Variants in NFIB observed in about 807,000 individuals in gnomAD.
NFIB encodes the protein nuclear factor 1 B-type.
Under a neutral mutation model 61.5 loss-of-function variants are expected in NFIB, and 11 were observed. That is an observed-to-expected ratio of 0.18 (90% CI 0.11 to 0.30). The LOEUF (loss-of-function observed/expected upper bound fraction) is 0.30, where lower values mean the gene tolerates loss of function less well. Among genes scored for constraint, NFIB ranks in the 10% least tolerant of loss-of-function variants. The pLI, the probability that NFIB is intolerant of heterozygous loss-of-function variation, is 1.00. For missense variants in NFIB, 471 were observed against 608.9 expected, an observed-to-expected ratio of 0.77 and a Z score of 2.38; for synonymous variants, 260 against 216.5, an observed-to-expected ratio of 1.20 and a Z score of -1.76.
At position 14,246,292 on chromosome 9, in the gene NFIB, C is replaced by T. The variant is rs142492646; in HGVS notation, c.562+60697G>A. 2.0e-5 allele frequency among the ~76,000 whole-genome samples: 3 copies of T among 152,226 alleles called. No individual in the cohort carries two copies. The South Asian group carries it at 6.2e-4, about 32-fold the overall frequency. Reference sequence around the variant, plus strand: ...GGCAAGGCACTGGTATTCTAAACTCCGACCCATTAGATGGGAGGAAGCTCC... The same window carrying T: ...GGCAAGGCACTGGTATTCTAAACTCTGACCCATTAGATGGGAGGAAGCTCC... On this transcript the variant is annotated intron_variant, in intron 2 of 10. Coordinates refer to ENST00000380953, the MANE Select transcript of NFIB (RefSeq NM_001190737.2).
chr9:14,413,231 C>T, the NFIB span, among the ~76,000 whole-genome samples: 2 of 152,194 alleles, frequency 1.3e-5, no homozygotes, highest in East Asian at 1.9e-4. Context: ...CAGCTGGAGC[C>T]TTCCCAGTGA....
At chr9:14,435,498 A>G in the NFIB span, among the ~76,000 whole-genome samples, 3 of 152,240 alleles carry the variant, frequency 2.0e-5, no homozygotes. Flanking sequence ...AAGTGGAGAT[A>G]AAAATAGCAA....
chr9:14,352,856 G>C (rs1292218847), intron 1 of NFIB, among the ~76,000 whole-genome samples: 1 of 152,234 alleles, frequency 6.6e-6, no homozygotes, highest in Non-Finnish European at 1.5e-5. Context: ...AGTTTCAGGA[G>C]TCTTTGTGAA....
the NFIB span, among the ~76,000 whole-genome samples, chr9:14,484,932 GGT>G: frequency 1.3e-5 from 2 of 152,072 alleles, no homozygotes; most frequent in African/African-American, 4.8e-5. Context: ...AGCTTGGTCA[GGT>G]TCTGGTGAGG....
chr9:14,390,849 A>G (rs2061611104), intron 1 of NFIB, among the ~76,000 whole-genome samples: 1 of 152,184 alleles, frequency 6.6e-6, no homozygotes, highest in Non-Finnish European at 1.5e-5. Flanking sequence ...TCTAAGAAAT[A>G]GATTTCTGTT....
chr9:14,090,056 A>G (rs1446764405), intron 10 of NFIB, among the ~76,000 whole-genome samples: 1 of 152,138 alleles, frequency 6.6e-6, no homozygotes. Context: ...CAAATCAATT[A>G]ATTGTTTCAA....
chr9:14,161,133 C>G (rs1222451691), intron 3 of NFIB, among the ~76,000 whole-genome samples: 1 of 152,158 alleles, frequency 6.6e-6, no homozygotes, highest in Non-Finnish European at 1.5e-5. Context: ...CCACAACTAA[C>G]CCATTGGTAA....
rs71321975 is a variant in NFIB, at chr9:14,274,251, T to TACACACACACACACACACACACACAC, written c.562+32712_562+32737dup. 1.4e-4 allele frequency among the ~76,000 whole-genome samples: 17 copies of TACACACACACACACACACACACACAC among 124,022 alleles called. 1 individual carries two copies. Among genetic ancestry groups the TACACACACACACACACACACACACAC allele is most frequent in the East Asian group, 5.1e-4 (2 of 3,890 alleles). The allele number at this position is 124,022 out of a possible 152,430, so 81.4% of individuals were successfully genotyped here. A position where few individuals can be genotyped will look rare whatever the true frequency, so the allele number is the denominator to read the frequency against. On this transcript the variant is annotated intron_variant, in intron 2 of 10. Coordinates refer to ENST00000380953, the MANE Select transcript of NFIB (RefSeq NM_001190737.2). ...TTCTCTCTCTAGCATTCTTCCTCCCTACACACACACACACACACACACACA... is the reference window on the plus strand; with the variant it reads ...TTCTCTCTCTAGCATTCTTCCTCCCTACACACACACACACACACACACACACACACACACACACACACACACACACA...
At chr9:14,396,873 T>C (rs921478495) in intron 1 of NFIB, among the ~76,000 whole-genome samples, 1 of 152,146 alleles carries the variant, frequency 6.6e-6, no homozygotes, top group African/African-American at 2.4e-5. Context: ...GAGCCATTAA[T>C]GGAATTGAAA....
the NFIB span, among the ~76,000 whole-genome samples, chr9:14,459,865 A>G: frequency 6.6e-6 from 1 of 151,110 alleles, no homozygotes. Flanking sequence ...AAGTCAGGAA[A>G]CAACAGGTGC....
rs78455225 is a variant in NFIB at position 14,269,868 on chromosome 9, A to G, written c.562+37121T>C. Among the ~76,000 whole-genome samples, 614 of 152,310 alleles carry G rather than the reference A, an allele frequency of 4.0e-3. 3 individuals carry two copies. The highest frequency in any genetic ancestry group is 0.014 in the African/African-American group (588 of 41,580). On this transcript the variant is annotated intron_variant, in intron 2 of 10. Transcript: ENST00000380953. ...AAGCAAATTTGCTTTCTCAGAACTC[A>G]TAATTTTTACTTTACTCCTCTGAAA...
chr9:14,287,356 G>A (rs921210156), intron 2 of NFIB, among the ~76,000 whole-genome samples: 10 of 36,230 alleles, frequency 2.8e-4, no homozygotes, highest in East Asian at 1.6e-3. Context: ...GTGTGAACCC[G>A]GGAGGCGGCT....
chr9:14,332,520 A>G (rs2132852343), intron 1 of NFIB, among the ~76,000 whole-genome samples: 1 of 152,208 alleles, frequency 6.6e-6, no homozygotes, highest in South Asian at 2.1e-4. Flanking sequence ...ATGTTCATAA[A>G]TATTTATGGA....
At chr9:14,495,445 A>ATTTTTTTTTTTTTTTTTTTTTTTT in the NFIB span, among the ~76,000 whole-genome samples, 4 of 98,082 alleles carry the variant, frequency 4.1e-5, no homozygotes, top group African/African-American at 1.6e-4. Context: ...AGAGAAATGA[A>ATTTTTTTTTTTTTTTTTTTTTTTT]CTTTTTTTTT....
chr9:14,157,373 A>G (rs535442608), intron 3 of NFIB, among the ~76,000 whole-genome samples: 1 of 152,344 alleles, frequency 6.6e-6, no homozygotes, highest in African/African-American at 2.4e-5. Flanking sequence ...ACTGCTGTGA[A>G]CTGAGGAGCC....
chr9:14,465,299 C>T, the NFIB span, among the ~76,000 whole-genome samples: 3 of 152,122 alleles, frequency 2.0e-5, no homozygotes, highest in Admixed American at 6.5e-5. Context: ...GACTGGGAAA[C>T]GTGATGGAAG....
intron 5 of NFIB, 146 bp from the exon 6 acceptor site, chr9:14,146,953 A>G: frequency 3.9e-6 from 4 of 1,034,252 alleles, no homozygotes; most frequent in South Asian, 1.6e-5. Flanking sequence ...TATTGAAGAT[A>G]TCAATAGTAA....
chr9:14,263,108 A>G (rs2056919557), intron 2 of NFIB, among the ~76,000 whole-genome samples: 1 of 151,868 alleles, frequency 6.6e-6, no homozygotes, highest in Admixed American at 6.6e-5. Context: ...ACTTCCCCCT[A>G]AAAGAAAAGG....
chr9:14,412,732 C>T, the NFIB span, among the ~76,000 whole-genome samples: 1,334 of 152,254 alleles, frequency 8.8e-3, 12 homozygotes, highest in Non-Finnish European at 0.014. Context: ...ACTGTGAAGG[C>T]ACTCCCCAGA....
Sources: allele counts gnomAD v4.1 joint callset (sites outside exome capture counted in the v4.1 genomes callset), GRCh38; gene constraint gnomAD v4.1.1; transcripts MANE v1.5; gene names NCBI Gene and HGNC (gene_info 2026-07-23, HGNC 2026-07-21).